GLG1: variants seen among roughly 807,000 people sequenced by gnomAD.
The protein encoded by GLG1 is Golgi apparatus protein 1.
A neutral mutation model predicts 160.5 loss-of-function variants in GLG1; 38 were observed. That is an observed-to-expected ratio of 0.24 (90% confidence interval 0.18 to 0.31). GLG1 has a LOEUF of 0.31. Ranked by LOEUF, GLG1 falls within the 10% of genes least tolerant of loss-of-function variation. The pLI, the probability that GLG1 is intolerant of heterozygous loss-of-function variation, is 1.00. For missense variants in GLG1, 1,373 were observed against 1,505.2 expected, an observed-to-expected ratio of 0.91 and a Z score of 1.45; for synonymous variants, 644 against 543.4, an observed-to-expected ratio of 1.19 and a Z score of -2.57.
At chr16:74,526,415 T>A (rs1347314269) in intron 2 of GLG1, among the ~76,000 whole-genome samples, 2 of 145,878 alleles carry the variant, frequency 1.4e-5, no homozygotes, top group African/African-American at 5.1e-5. Flanking sequence ...TGTAGATGAA[T>A]CTTTGAGATT....
rs1491436581 is a variant in GLG1, at chr16:74,498,448, G to GTTTATATATATATATATA, written c.775-1805_775-1804insTATATATATATATATAAA. Reference sequence around the variant, plus strand: ...GGCTCTGTCTCAAAAAAAAAAAAAAGTATATATATATATATATATTATATT... The same window carrying GTTTATATATATATATATA: ...GGCTCTGTCTCAAAAAAAAAAAAAAGTTTATATATATATATATATATATATATATATATATATTATATT... On this transcript the variant is annotated intron_variant, in intron 4 of 25. Transcript: ENST00000422840. Among the ~76,000 whole-genome samples the GTTTATATATATATATATA allele has an allele frequency of 8.3e-5, 2 of 24,038 alleles. 1 individual carries two copies. The highest frequency in any genetic ancestry group is 2.8e-4 in the African/African-American group (2 of 7,142). 15.8% of individuals were successfully genotyped at this position (24,038 alleles called of 152,430 possible). A position where few individuals can be genotyped will look rare whatever the true frequency, so the allele number is the denominator to read the frequency against.
chr16:74,449,129 T>C lies in GLG1; in HGVS notation c.*4038A>G, dbSNP rs1486843302. On this transcript the variant is annotated 3_prime_UTR_variant, in exon 26 of 26. Coordinates refer to ENST00000422840, the MANE Select transcript of GLG1 (RefSeq NM_001145667.2). ...ACAAAACAAAAAACCAAAAAAGCCATTACGGCCAAAATTTAGGCTGACTGT... is the reference window on the plus strand; with the variant it reads ...ACAAAACAAAAAACCAAAAAAGCCACTACGGCCAAAATTTAGGCTGACTGT... The C allele has an allele frequency of 6.6e-6, 1 of 152,162 alleles. No homozygotes were observed. Among genetic ancestry groups the C allele is most frequent in the Non-Finnish European group, 1.5e-5 (1 of 68,084 alleles). The allele number at this position is 152,162 out of a possible 1,614,324, so 9.4% of individuals were successfully genotyped here. A position where few individuals can be genotyped will look rare whatever the true frequency, so the allele number is the denominator to read the frequency against.
At position 74,593,647 on chromosome 16, in the gene GLG1, C is replaced by G. The variant is rs1282523924; in HGVS notation, c.438+13010G>C. ...ACAGGGTTTCACCACGTTGGCCAGG[C>G]TGGTCTCAAACTCCTGACCTCAGGT... On this transcript the variant is annotated intron_variant, in intron 1 of 25. Transcript: ENST00000422840. Among the ~76,000 whole-genome samples the G allele has an allele frequency of 3.9e-5, 6 of 152,096 alleles. No individual in the cohort carries two copies. The East Asian group carries it at 1.2e-3, about 29-fold the overall frequency.
At chr16:74,589,057 C>T (rs1489181287) in intron 1 of GLG1, among the ~76,000 whole-genome samples, 1 of 151,612 alleles carries the variant, frequency 6.6e-6, no homozygotes, top group Non-Finnish European at 1.5e-5. Context: ...GCCTGGCCAA[C>T]ATGGTGAAAC....
In GLG1 at chr16:74,571,397, G is replaced by A. The variant is rs79336237; in HGVS notation, c.438+35260C>T. Reference sequence around the variant, plus strand: ...TTCTTGAGTCATTAAGTTTGGGACCGGGTACAGAGGCTCACGCAAGTAATC... The same window carrying A: ...TTCTTGAGTCATTAAGTTTGGGACCAGGTACAGAGGCTCACGCAAGTAATC... On this transcript the variant is annotated intron_variant, in intron 1 of 25. Coordinates refer to ENST00000422840, the MANE Select transcript of GLG1 (RefSeq NM_001145667.2). Among the ~76,000 whole-genome samples, 5 of 152,266 alleles carry A rather than the reference G, an allele frequency of 3.3e-5. No individual in the cohort carries two copies. In the East Asian group the frequency reaches 5.8e-4, roughly 18 times the overall value.
rs907164712 is a variant in GLG1 at position 74,459,376 on chromosome 16, G to A, written c.3144+306C>T. Reference sequence around the variant, plus strand: ...GCCTATAGTCCCAGCTACTTGGGAGGCTGAGGCAGGAGAATGGCGTGAACC... The same window carrying A: ...GCCTATAGTCCCAGCTACTTGGGAGACTGAGGCAGGAGAATGGCGTGAACC... On this transcript the variant is annotated intron_variant, in intron 23 of 25. Coordinates refer to ENST00000422840, the MANE Select transcript of GLG1 (RefSeq NM_001145667.2). Among the ~76,000 whole-genome samples the A allele has an allele frequency of 4.6e-5, 7 of 152,182 alleles. No individual in the cohort carries two copies. The East Asian group carries it at 1.3e-3, about 29-fold the overall frequency.
chr16:74,524,346 G>A (rs2017270059), intron 2 of GLG1, among the ~76,000 whole-genome samples: 1 of 152,104 alleles, frequency 6.6e-6, no homozygotes, highest in African/African-American at 2.4e-5. Context: ...TGCCAATCTT[G>A]GGTAGAAAGC....
Position 74,462,117 on chromosome 16 carries a change from GCTGAGGATC to G in GLG1, c.3004_3012del (p.Asp1002_Gln1004del). 1 of 1,599,288 alleles carries G rather than the reference GCTGAGGATC, an allele frequency of 6.3e-7. No individual in the cohort carries two copies. Among genetic ancestry groups the G allele is most frequent in the Non-Finnish European group, 8.6e-7 (1 of 1,166,624 alleles). ...ACCTCGTCTGAGCAGTGCAGCTGGA[GCTGAGGATC>G]CAGGCGGTAGTCCAGGGCGGACTCC... On this transcript the variant is annotated inframe_deletion, in exon 22 of 26. Coordinates refer to ENST00000422840, the MANE Select transcript of GLG1 (RefSeq NM_001145667.2).
At position 74,452,688 on chromosome 16, in the gene GLG1, G is replaced by C; in HGVS notation, c.*479C>G. On this transcript the variant is annotated 3_prime_UTR_variant, in exon 26 of 26. Transcript: ENST00000422840. The stretch of plus-strand genomic sequence containing the variant: ...CACCTCAGTCATGGCACACTGGGTG[G>C]TGTGCTTCCCCTCCAAGTCCTGTCT... The C allele has an allele frequency of 1.0e-6, 1 of 993,492 alleles. No homozygotes were observed. 61.5% of individuals were successfully genotyped at this position (993,492 alleles called of 1,614,324 possible). A position where few individuals can be genotyped will look rare whatever the true frequency, so the allele number is the denominator to read the frequency against.
chr16:74,489,576 G>A (rs1230612668), intron 8 of GLG1, among the ~76,000 whole-genome samples: 1 of 151,954 alleles, frequency 6.6e-6, no homozygotes, highest in African/African-American at 2.4e-5. Flanking sequence ...TTCATTTTTG[G>A]TCTGGGTCCC....
Position 74,506,598 on chromosome 16 carries a change from A to AAAAAAAAAAAAAAAAC in GLG1, c.558+2240_558+2241insGTTTTTTTTTTTTTTT, listed in dbSNP as rs768101788. Reference sequence around the variant, plus strand: ...CTCCGTCTCAAAAAAAAAAAAAAAAAAAAAAACTCAAGAGAAACCAGGAGC... The same window carrying AAAAAAAAAAAAAAAAC: ...CTCCGTCTCAAAAAAAAAAAAAAAAAAAAAAAAAAAAAAAACAAAAAACTCAAGAGAAACCAGGAGC... On this transcript the variant is annotated intron_variant, in intron 3 of 25. Coordinates refer to ENST00000422840, the MANE Select transcript of GLG1 (RefSeq NM_001145667.2). Among the ~76,000 whole-genome samples, 141 of 144,628 alleles carry AAAAAAAAAAAAAAAAC rather than the reference A, an allele frequency of 9.7e-4. 3 individuals carry two copies. The highest frequency in any genetic ancestry group is 3.2e-3 in the African/African-American group (122 of 37,622). 94.9% of individuals were successfully genotyped at this position (144,628 alleles called of 152,430 possible).
chr16:74,498,432 T>TG (rs1439857515), intron 4 of GLG1, among the ~76,000 whole-genome samples: 1 of 3,406 alleles, frequency 2.9e-4, no homozygotes, highest in Non-Finnish European at 1.3e-3. Flanking sequence ...AGGCTCTGTC[T>TG]CAAAAAAAAA....
chr16:74,477,504 T>C lies in GLG1; in HGVS notation c.1857A>G (p.Gln619=), dbSNP rs1303167348. 5 of 1,613,326 alleles carry C rather than the reference T, an allele frequency of 3.1e-6. No homozygotes were observed. Among genetic ancestry groups the C allele is most frequent in the South Asian group, 1.1e-5 (1 of 91,048 alleles). The part of the protein sequence containing the change: ...RLSRECRAEV[Q]RILHQRAMDV... ...CCATGGCACGCTGGTGTAGGATCCTTTGGACTTCAGCTCGGCACTCCCGTG... is the reference window on the plus strand; with the variant it reads ...CCATGGCACGCTGGTGTAGGATCCTCTGGACTTCAGCTCGGCACTCCCGTG... The change falls in exon 12 of 26, where the codon CAA becomes CAG. Residue 619 remains glutamine, a synonymous_variant. Transcript: ENST00000422840.
At chr16:74,463,701 G>A (rs945892665) in intron 19 of GLG1, among the ~76,000 whole-genome samples, 7 of 150,824 alleles carry the variant, frequency 4.6e-5, no homozygotes, top group African/African-American at 7.3e-5. Flanking sequence ...ACAGGCGTGC[G>A]TCACCACGCC....
At position 74,471,258 on chromosome 16, in the gene GLG1, C is replaced by T; in HGVS notation, c.2144G>A (p.Gly715Glu). ...CTGTATCAGACACTCCATCAGGTCC[C>T]CAGAGTCTATCTGGTTATCTGCCAC... ...HDVADNQIDSGDLMECLIQNK... is the reference protein window; with the variant it reads ...HDVADNQIDSEDLMECLIQNK... Residue 715 changes from glycine to glutamate, a missense_variant, in exon 15 of 26, where the codon GGG (glycine) becomes GAG (glutamate). Physicochemically the swap from Gly to Glu is moderately conservative, Grantham distance 98. This residue lies in a region of GLG1 where 491 missense variants were observed against 632.1 expected (regional missense o/e 0.78). Coordinates refer to ENST00000422840, the MANE Select transcript of GLG1 (RefSeq NM_001145667.2). 6.2e-7 allele frequency: 1 copy of T among 1,607,294 alleles called. No individual in the cohort carries two copies. The highest frequency in any genetic ancestry group is 8.5e-7 in the Non-Finnish European group (1 of 1,173,826).
At chr16:74,518,167 A>G (rs1388251451) in intron 2 of GLG1, among the ~76,000 whole-genome samples, 1 of 152,174 alleles carries the variant, frequency 6.6e-6, no homozygotes, top group Non-Finnish European at 1.5e-5. Context: ...TCAAGCTGCC[A>G]CTGACTTTCT....
At chr16:74,471,930 G>A (rs2015222300) in intron 14 of GLG1, among the ~76,000 whole-genome samples, 2 of 78,796 alleles carry the variant, frequency 2.5e-5, no homozygotes, top group Admixed American at 2.5e-4. Flanking sequence ...TTTTAGACAG[G>A]GTCTCACTCT....
At chr16:74,469,320 A>T (rs2015114336) in intron 16 of GLG1, 3 of 521,184 alleles carry the variant, frequency 5.8e-6, no homozygotes, top group Non-Finnish European at 1.0e-5. Context: ...ACATGTGTGC[A>T]ACGACAGTTC....
chr16:74,599,980 G>T (rs1048583285), intron 1 of GLG1, among the ~76,000 whole-genome samples: 1 of 152,110 alleles, frequency 6.6e-6, no homozygotes, highest in Non-Finnish European at 1.5e-5. Context: ...GTTGCAGTGA[G>T]GTGAGATCGC....
Sources: gnomAD v4.1 joint callset for allele counts (sites outside exome capture counted in the v4.1 genomes callset) on GRCh38, gnomAD v4.1.1 for gene constraint, gnomAD v4.1.1 regional missense constraint, MANE v1.5 for transcripts, NCBI Gene and HGNC (gene_info 2026-07-23, HGNC 2026-07-21) for gene names.